The following ASTN1 variants were observed in gnomAD, a reference collection of about 807,000 sequenced individuals.
ASTN1 encodes the protein astrotactin 1.
In ASTN1, 41 loss-of-function variants were observed where a neutral mutation model predicts 140.7. The ratio of observed to expected loss-of-function variants is 0.29; its 90% CI spans 0.23 to 0.38. ASTN1 has a LOEUF of 0.38. Among genes scored for constraint, ASTN1 ranks in the 10% least tolerant of loss-of-function variants. ASTN1 has a pLI of 1.00. For synonymous variants in ASTN1, 640 were observed against 652.2 expected, an observed-to-expected ratio of 0.98 and a Z score of 0.29; for missense variants, 1,479 against 1,678.8, an observed-to-expected ratio of 0.88 and a Z score of 2.08.
intron 8 of ASTN1, among the ~76,000 whole-genome samples, chr1:176,993,558 C>T (rs1007449746): frequency 2.6e-5 from 4 of 152,122 alleles, no homozygotes; most frequent in Non-Finnish European, 4.4e-5. Context: ...ATCCTCCTTT[C>T]AGAAAAACAC....
intron 22 of ASTN1, among the ~76,000 whole-genome samples, chr1:176,865,010 A>G (rs771664713): frequency 4.6e-5 from 7 of 152,222 alleles, no homozygotes; most frequent in South Asian, 2.1e-4. Context: ...GGAAGTAGCC[A>G]TAGTGTAATA....
At chr1:177,138,631 C>G (rs1244597684) in intron 1 of ASTN1, among the ~76,000 whole-genome samples, 1 of 152,106 alleles carries the variant, frequency 6.6e-6, no homozygotes, top group Non-Finnish European at 1.5e-5. Context: ...GTTAATGTAC[C>G]CGGACAGCTC....
At chr1:177,042,264 G>T (rs4652222) in intron 2 of ASTN1, among the ~76,000 whole-genome samples, 86,099 of 151,946 alleles carry the variant, frequency 0.57, 24,796 homozygotes, top group Non-Finnish European at 0.61. Flanking sequence ...ATTTTCATGA[G>T]TGCCGTGAGA....
Position 177,052,580 on chromosome 1 carries a change from C to T in ASTN1, c.471+8498G>A, listed in dbSNP as rs1311966058. On this transcript the variant is annotated intron_variant, in intron 2 of 22. Coordinates refer to ENST00000361833, the MANE Select transcript of ASTN1 (RefSeq NM_004319.3). ...TGCTGTAAACTGCCTCACTAAAATT[C>T]AATACCATACAACTATAGTCTTGGT... Among the ~76,000 whole-genome samples, 3 of 152,162 alleles carry T rather than the reference C, an allele frequency of 2.0e-5. No homozygotes were observed. The East Asian group carries it at 5.8e-4, about 29-fold the overall frequency.
chr1:177,095,605 C>T (rs561435244), intron 1 of ASTN1, among the ~76,000 whole-genome samples: 8 of 152,192 alleles, frequency 5.3e-5, no homozygotes, highest in African/African-American at 1.9e-4. Context: ...GGGACATCTC[C>T]CCTATATGAA....
chr1:176,895,637 T>A (rs1669470816), intron 16 of ASTN1, among the ~76,000 whole-genome samples: 1 of 152,200 alleles, frequency 6.6e-6, no homozygotes, highest in Non-Finnish European at 1.5e-5. Context: ...ATCAATTTTG[T>A]TTGTTGAGTA....
chr1:176,921,800 A>C (rs1490913559), intron 16 of ASTN1, among the ~76,000 whole-genome samples: 2 of 152,330 alleles, frequency 1.3e-5, no homozygotes, highest in East Asian at 3.9e-4. Flanking sequence ...AGGAGGGATG[A>C]GAAGCTGGAA....
chr1:177,054,844 A>G (rs1365097050), intron 2 of ASTN1, among the ~76,000 whole-genome samples: 1 of 152,216 alleles, frequency 6.6e-6, no homozygotes, highest in Non-Finnish European at 1.5e-5. Context: ...AAGCTAATTC[A>G]TAGCAAGAGG....
chr1:177,067,801 G>A (rs960185822), intron 1 of ASTN1, among the ~76,000 whole-genome samples: 1 of 152,130 alleles, frequency 6.6e-6, no homozygotes, highest in Non-Finnish European at 1.5e-5. Context: ...GAAGGAAGAT[G>A]AGGGACAGAT....
chr1:177,081,696 C>G (rs1041643331), intron 1 of ASTN1, among the ~76,000 whole-genome samples: 1 of 151,980 alleles, frequency 6.6e-6, no homozygotes, highest in African/African-American at 2.4e-5. Flanking sequence ...GTAGGTTGTA[C>G]GAAGATGGGG....
intron 21 of ASTN1, among the ~76,000 whole-genome samples, chr1:176,874,017 C>T (rs1557926143): frequency 6.6e-6 from 1 of 152,166 alleles, no homozygotes; most frequent in Non-Finnish European, 1.5e-5. Flanking sequence ...GCTGCATCCC[C>T]TCCACCTGCT....
At chr1:177,072,089 T>G (rs1678673068) in intron 1 of ASTN1, among the ~76,000 whole-genome samples, 1 of 152,210 alleles carries the variant, frequency 6.6e-6, no homozygotes, top group Admixed American at 6.5e-5. Flanking sequence ...TTCTGACTCC[T>G]GGCACAGTGC....
In ASTN1 at chr1:177,061,221, G is replaced by T; in HGVS notation, c.328C>A (p.Gln110Lys). ...TEDIPLVRWR[Q>K]QWLENGTLLF... ...AAAGTGCCATTCTCCAGCCACTGCT[G>T]CCTCCAGCGCACCAAAGGGATATCC... The change falls in exon 2 of 23, where the codon CAG becomes AAG. Residue 110 changes from glutamine (Q) to lysine (K), a missense_variant. Around this residue, in one of 3 missense-constraint regions of ASTN1, gnomAD observed 729 missense variants for 860.4 expected, o/e 0.85. Coordinates refer to ENST00000361833, the MANE Select transcript of ASTN1 (RefSeq NM_004319.3). 6.2e-7 allele frequency: 1 copy of T among 1,600,218 alleles called. No individual in the cohort carries two copies. Among genetic ancestry groups the T allele is most frequent in the Non-Finnish European group, 8.5e-7 (1 of 1,173,360 alleles).
intron 19 of ASTN1, 23 bp downstream of exon 19, chr1:176,884,316 C>A: frequency 1.2e-6 from 2 of 1,607,520 alleles, no homozygotes; most frequent in Non-Finnish European, 1.7e-6. Flanking sequence ...TCAAGACAAG[C>A]CCATGAAGTA....
intron 1 of ASTN1, among the ~76,000 whole-genome samples, chr1:177,140,322 G>A (rs1682405872): frequency 6.6e-6 from 1 of 152,028 alleles, no homozygotes; most frequent in South Asian, 2.1e-4. Context: ...TGGATTATAT[G>A]AGCATTATTT....
chr1:176,887,589 A>ATT (rs578250046), intron 18 of ASTN1, among the ~76,000 whole-genome samples: 1 of 151,090 alleles, frequency 6.6e-6, no homozygotes, highest in African/African-American at 2.4e-5. Flanking sequence ...ATTTGAATGC[A>ATT]TTTTTTTTTG....
At chr1:177,096,107 T>G (rs963015442) in intron 1 of ASTN1, among the ~76,000 whole-genome samples, 5 of 152,202 alleles carry the variant, frequency 3.3e-5, no homozygotes, top group Non-Finnish European at 7.3e-5. Context: ...GGAATGAAAA[T>G]GTCTATCCTA....
chr1:176,972,488 C>T (rs1001774828), intron 8 of ASTN1, among the ~76,000 whole-genome samples: 6 of 152,032 alleles, frequency 3.9e-5, no homozygotes, highest in African/African-American at 1.5e-4. Context: ...AAATGAACTA[C>T]TACTTTTTTT....
intron 16 of ASTN1, among the ~76,000 whole-genome samples, chr1:176,928,212 T>A (rs1456639226): frequency 6.6e-6 from 1 of 152,118 alleles, no homozygotes; most frequent in African/African-American, 2.4e-5. Context: ...TGGCTAGGAA[T>A]AGACTATCTC....
Sources: gnomAD v4.1 joint callset for allele counts (sites outside exome capture counted in the v4.1 genomes callset) on GRCh38, gnomAD v4.1.1 for gene constraint, gnomAD v4.1.1 regional missense constraint, MANE v1.5 for transcripts, NCBI Gene and HGNC (gene_info 2026-07-23, HGNC 2026-07-21) for gene names.